Variants in CEP112 observed in about 807,000 individuals in gnomAD.
CEP112 encodes centrosomal protein of 112 kDa.
In CEP112, 127 loss-of-function variants were observed where a neutral mutation model predicts 153.0. The observed-to-expected ratio is 0.83, with a 90% CI of 0.72 to 0.96. The LOEUF (loss-of-function observed/expected upper bound fraction) is 0.96. Among genes scored for constraint, CEP112 ranks in the 40% least tolerant of loss-of-function variants. CEP112 has a pLI of 0.00. For synonymous variants in CEP112, 358 were observed against 374.4 expected, an observed-to-expected ratio of 0.96 and a Z score of 0.51; for missense variants, 1,089 against 1,101.2, an observed-to-expected ratio of 0.99 and a Z score of 0.16.
At chr17:65,768,431 G>A (rs1034620676) in intron 21 of CEP112, among the ~76,000 whole-genome samples, 5 of 152,060 alleles carry the variant, frequency 3.3e-5, no homozygotes, top group South Asian at 2.1e-4. Flanking sequence ...AACCTGTGTC[G>A]TTCAAGGGTC....
intron 24 of CEP112, chr17:65,688,312 C>T (rs571369600): frequency 6.6e-6 from 1 of 152,362 alleles, no homozygotes; most frequent in South Asian, 2.1e-4. Flanking sequence ...ATACTCAACA[C>T]TCCATTTCCC....
intron 21 of CEP112, among the ~76,000 whole-genome samples, chr17:65,847,103 T>C (rs1598764535): frequency 6.6e-6 from 1 of 152,176 alleles, no homozygotes; most frequent in South Asian, 2.1e-4. Context: ...ACCGAACTCA[T>C]CGCACTCAAC....
At chr17:66,010,906 G>A (rs9898814) in intron 16 of CEP112, among the ~76,000 whole-genome samples, 76,741 of 151,902 alleles carry the variant, frequency 0.51, 20,247 homozygotes, top group African/African-American at 0.55. Flanking sequence ...CAAGGATATT[G>A]GCCTGAAGCT....
At chr17:65,721,528 T>C (rs1028029051) in intron 23 of CEP112, among the ~76,000 whole-genome samples, 2 of 152,202 alleles carry the variant, frequency 1.3e-5, no homozygotes, top group African/African-American at 4.8e-5. Flanking sequence ...AGAATGCTGC[T>C]GTATTGATCT....
chr17:66,094,577 A>G (rs2068264909), intron 8 of CEP112, among the ~76,000 whole-genome samples: 1 of 152,148 alleles, frequency 6.6e-6, no homozygotes, highest in South Asian at 2.1e-4. Context: ...AAGCTCCATG[A>G]CATTGCTCTG....
At chr17:66,053,424 T>A (rs962205653) in intron 12 of CEP112, among the ~76,000 whole-genome samples, 5 of 151,958 alleles carry the variant, frequency 3.3e-5, no homozygotes, top group African/African-American at 1.2e-4. Context: ...GAGGCGGAGG[T>A]TGCAGTGAGC....
chr17:65,936,657 G>A (rs1029478894), intron 18 of CEP112, among the ~76,000 whole-genome samples: 3 of 148,412 alleles, frequency 2.0e-5, no homozygotes, highest in Middle Eastern at 3.2e-3. Flanking sequence ...GTTAGACAAC[G>A]CATTAATAAA....
chr17:65,943,404 A>AG (rs1262873600), intron 18 of CEP112, among the ~76,000 whole-genome samples: 1 of 152,200 alleles, frequency 6.6e-6, no homozygotes, highest in Non-Finnish European at 1.5e-5. Flanking sequence ...AAGTTTACCT[A>AG]AACAAAACAA....
At chr17:65,950,696 TTAC>T (rs958835841) in intron 18 of CEP112, among the ~76,000 whole-genome samples, 5 of 97,400 alleles carry the variant, frequency 5.1e-5, no homozygotes, top group African/African-American at 1.7e-4. Context: ...TCTGGATACA[TTAC>T]TAGTAGTAGT....
intron 16 of CEP112, among the ~76,000 whole-genome samples, chr17:66,016,544 T>TA (rs1480045130): frequency 6.6e-6 from 1 of 152,076 alleles, no homozygotes; most frequent in African/African-American, 2.4e-5. Context: ...TCTAAAATGA[T>TA]ATGTTACACA....
intron 24 of CEP112, among the ~76,000 whole-genome samples, chr17:65,656,115 C>G (rs1310856035): frequency 2.0e-5 from 3 of 152,200 alleles, no homozygotes; most frequent in Non-Finnish European, 4.4e-5. Flanking sequence ...GTCGCATTAT[C>G]TGGAGCCATA....
At chr17:65,959,094 G>A (rs553230776) in intron 18 of CEP112, among the ~76,000 whole-genome samples, 10 of 152,030 alleles carry the variant, frequency 6.6e-5, no homozygotes, top group East Asian at 5.8e-4. Context: ...CAGAGACATC[G>A]GGACCACCAG....
rs139403317 is a variant in CEP112 at position 65,878,198 on chromosome 17, AGAAG to A, written c.2163+23950_2163+23953del. 3.1e-4 allele frequency among the ~76,000 whole-genome samples: 47 copies of A among 152,246 alleles called. No individual in the cohort carries two copies. In the South Asian group the frequency reaches 4.4e-3, roughly 14 times the overall value. On this transcript the variant is annotated intron_variant, in intron 20 of 26. Transcript: ENST00000535342. ...TCTTACCTGTTCTCATTGCAAAAAA[AGAAG>A]GAAGGAAGGAAGGGAGGGAGGGAAG...
intron 4 of CEP112, among the ~76,000 whole-genome samples, chr17:66,171,843 T>C (rs181925826): frequency 2.6e-5 from 4 of 152,320 alleles, no homozygotes; most frequent in Admixed American, 2.0e-4. Context: ...GCAGCCCTAA[T>C]TGACCTTAGT....
At chr17:65,650,522 A>T (rs561777412) in intron 24 of CEP112, among the ~76,000 whole-genome samples, 8 of 152,130 alleles carry the variant, frequency 5.3e-5, no homozygotes, top group Non-Finnish European at 1.0e-4. Context: ...TGCTGGGCTC[A>T]GTACCTGGAG....
At chr17:65,692,819 G>C (rs2048176238) in intron 23 of CEP112, among the ~76,000 whole-genome samples, 1 of 152,268 alleles carries the variant, frequency 6.6e-6, no homozygotes, top group Middle Eastern at 3.4e-3. Flanking sequence ...TGCCAAGCCA[G>C]CTCAATGCCT....
At chr17:65,690,138 A>AAAC (rs1567868525) in intron 23 of CEP112, among the ~76,000 whole-genome samples, 1 of 126,238 alleles carries the variant, frequency 7.9e-6, no homozygotes, top group African/African-American at 3.1e-5. Flanking sequence ...AAAAAAAAAA[A>AAAC]CTCCGGTCGG....
intron 6 of CEP112, among the ~76,000 whole-genome samples, chr17:66,102,731 G>A (rs1174513322): frequency 6.7e-6 from 1 of 148,178 alleles, no homozygotes; most frequent in East Asian, 2.0e-4. Flanking sequence ...CTGGGAGGCA[G>A]AGCTTGCACT....
chr17:65,826,472 C>T, intron 21 of CEP112: 1 of 1,479,128 alleles, frequency 6.8e-7, no homozygotes, highest in Non-Finnish European at 8.9e-7. Context: ...ACCACAATCT[C>T]TTAGGTGGGG....
Sources: allele counts gnomAD v4.1 joint callset (sites outside exome capture counted in the v4.1 genomes callset), GRCh38; gene constraint gnomAD v4.1.1; transcripts MANE v1.5; gene names NCBI Gene and HGNC (gene_info 2026-07-23, HGNC 2026-07-21).